Variants in SLC24A3 observed in about 807,000 individuals in gnomAD.
The protein encoded by SLC24A3 is sodium/potassium/calcium exchanger 3.
In SLC24A3, 28 loss-of-function variants were observed where a neutral mutation model predicts 75.8. That is an observed-to-expected ratio of 0.37 (90% CI 0.27 to 0.51). SLC24A3 has a LOEUF of 0.51. Ranked by LOEUF, SLC24A3 falls within the 20% of genes least tolerant of loss-of-function variation. The pLI, the probability that SLC24A3 is intolerant of heterozygous loss-of-function variation, is 0.94. For missense variants in SLC24A3, 663 were observed against 847.8 expected (o/e 0.78, Z 2.71); for synonymous variants, 372 against 334.1 (o/e 1.11, Z -1.24).
chr20:19,348,973 A>G (rs948450556), intron 2 of SLC24A3, among the ~76,000 whole-genome samples: 3 of 152,090 alleles, frequency 2.0e-5, no homozygotes, highest in Non-Finnish European at 4.4e-5. Flanking sequence ...ATCCTGCTTC[A>G]TATGCAATTT....
intron 2 of SLC24A3, among the ~76,000 whole-genome samples, chr20:19,320,323 A>C (rs568317471): frequency 6.6e-6 from 1 of 152,322 alleles, no homozygotes; most frequent in East Asian, 1.9e-4. Context: ...GGGATGCCTG[A>C]GTGGAACTTA....
intron 12 of SLC24A3, among the ~76,000 whole-genome samples, chr20:19,686,736 C>T (rs1209406747): frequency 1.3e-5 from 2 of 152,164 alleles, no homozygotes; most frequent in African/African-American, 2.4e-5. Flanking sequence ...AGAGATGCCC[C>T]TGTGCCCACT....
chr20:19,257,087 T>G (rs1462681839), intron 1 of SLC24A3, among the ~76,000 whole-genome samples: 2 of 152,196 alleles, frequency 1.3e-5, no homozygotes, highest in African/African-American at 4.8e-5. Flanking sequence ...ATGACTCATC[T>G]GGTATCATGG....
At chr20:19,584,093 C>A (rs1206562066) in intron 4 of SLC24A3, among the ~76,000 whole-genome samples, 1 of 152,216 alleles carries the variant, frequency 6.6e-6, no homozygotes, top group Non-Finnish European at 1.5e-5. Flanking sequence ...CACTGGCAGC[C>A]AGCAGCATAC....
chr20:19,328,580 G>C (rs1159569676), intron 2 of SLC24A3, among the ~76,000 whole-genome samples: 1 of 152,166 alleles, frequency 6.6e-6, no homozygotes, highest in Admixed American at 6.5e-5. Context: ...ATGTGGGTGA[G>C]AAAGAGCAAT....
Position 19,693,283 on chromosome 20 carries a change from G to C in SLC24A3, c.1349G>C (p.Trp450Ser), listed in dbSNP as rs780074666. Residue 450 changes from tryptophan (W) to serine (S), a missense_variant, in exon 13 of 17, where the codon TGG (tryptophan) becomes TCG (serine). Trp to Ser is a radical substitution (Grantham distance 177). Coordinates refer to ENST00000328041, the MANE Select transcript of SLC24A3 (RefSeq NM_020689.4). ...TPSGKLETVKWAFTWPLSFVL... is the reference protein window; with the variant it reads ...TPSGKLETVKSAFTWPLSFVL... The stretch of plus-strand genomic sequence containing the variant: ...GCGGGTAAACTGGAAACAGTGAAAT[G>C]GGCGTTCACCTGGCCGCTGAGTTTC... The C allele has an allele frequency of 1.9e-6, 3 of 1,613,276 alleles. No homozygotes were observed. The highest frequency in any genetic ancestry group is 3.3e-5 in the Admixed American group (2 of 59,892).
At chr20:19,447,334 T>G (rs543138752) in intron 2 of SLC24A3, among the ~76,000 whole-genome samples, 40 of 152,190 alleles carry the variant, frequency 2.6e-4, no homozygotes, top group African/African-American at 9.6e-4. Flanking sequence ...GGTGTCAAAT[T>G]CCTGTTCTGG....
intron 6 of SLC24A3, among the ~76,000 whole-genome samples, chr20:19,625,746 C>T (rs1252198240): frequency 6.6e-6 from 1 of 152,136 alleles, no homozygotes; most frequent in Non-Finnish European, 1.5e-5. Context: ...TATATTTTGT[C>T]ATTTATTCCT....
chr20:19,467,297 G>T, intron 2 of SLC24A3, among the ~76,000 whole-genome samples: 1 of 152,282 alleles, frequency 6.6e-6, no homozygotes, highest in Non-Finnish European at 1.5e-5. Context: ...GGACAGAATC[G>T]CAGAAAGAAA....
At chr20:19,281,229 C>T (rs1299666517) in intron 2 of SLC24A3, 142 bp downstream of exon 2, 21 of 1,235,186 alleles carry the variant, frequency 1.7e-5, no homozygotes, top group Admixed American at 2.6e-5. Flanking sequence ...AAGAAACTTT[C>T]AGGTGACATC....
intron 2 of SLC24A3, among the ~76,000 whole-genome samples, chr20:19,506,152 G>T (rs909734846): frequency 2.0e-5 from 3 of 152,212 alleles, no homozygotes; most frequent in Non-Finnish European, 2.9e-5. Flanking sequence ...GTAAAGGACG[G>T]ATTCAAATCC....
chr20:19,446,026 C>T (rs1987376922), intron 2 of SLC24A3, among the ~76,000 whole-genome samples: 1 of 152,182 alleles, frequency 6.6e-6, no homozygotes, highest in South Asian at 2.1e-4. Context: ...TCTTCATTGT[C>T]CAAATGAGGC....
At chr20:19,562,579 T>C (rs1327621619) in intron 3 of SLC24A3, among the ~76,000 whole-genome samples, 1 of 152,212 alleles carries the variant, frequency 6.6e-6, no homozygotes, top group Non-Finnish European at 1.5e-5. Flanking sequence ...TAATGGGTTG[T>C]CATTGAAGCG....
At chr20:19,565,115 C>T (rs1474104523) in intron 3 of SLC24A3, among the ~76,000 whole-genome samples, 3 of 152,212 alleles carry the variant, frequency 2.0e-5, no homozygotes, top group African/African-American at 4.8e-5. Context: ...TCCATCCTCT[C>T]ATTCTCTAAG....
chr20:19,378,361 T>C (rs1986123227), intron 2 of SLC24A3, among the ~76,000 whole-genome samples: 1 of 152,054 alleles, frequency 6.6e-6, no homozygotes, highest in Non-Finnish European at 1.5e-5. Context: ...AAGCCATCAG[T>C]GGACAAAGCT....
intron 2 of SLC24A3, among the ~76,000 whole-genome samples, chr20:19,330,937 A>G (rs1984984155): frequency 2.0e-5 from 3 of 152,184 alleles, no homozygotes. Context: ...ACTTGAATCT[A>G]GTTATGAGGA....
chr20:19,220,449 G>C (rs573609402), intron 1 of SLC24A3, among the ~76,000 whole-genome samples: 1 of 152,344 alleles, frequency 6.6e-6, no homozygotes. Flanking sequence ...ACAGAGAAAG[G>C]AGCAGGTTTC....
intron 1 of SLC24A3, among the ~76,000 whole-genome samples, chr20:19,256,150 A>G (rs1982808233): frequency 6.6e-6 from 1 of 152,044 alleles, no homozygotes; most frequent in Non-Finnish European, 1.5e-5. Flanking sequence ...CACAGTAGCA[A>G]TGAAAAGGAA....
At chr20:19,455,308 C>T (rs1056207714) in intron 2 of SLC24A3, among the ~76,000 whole-genome samples, 5 of 152,128 alleles carry the variant, frequency 3.3e-5, no homozygotes, top group East Asian at 3.9e-4. Flanking sequence ...GATCTTATGA[C>T]GTTTATTTCT....
Sources: allele counts gnomAD v4.1 joint callset (sites outside exome capture counted in the v4.1 genomes callset), GRCh38; gene constraint gnomAD v4.1.1; transcripts MANE v1.5; gene names NCBI Gene and HGNC (gene_info 2026-07-23, HGNC 2026-07-21).